GAB2: variants seen among roughly 807,000 people sequenced by gnomAD.
GAB2 encodes the protein GRB2-associated-binding protein 2.
In GAB2, 26 loss-of-function variants were observed where a neutral mutation model predicts 65.5. The observed-to-expected ratio is 0.40, with a 90% CI of 0.29 to 0.55. GAB2 has a LOEUF of 0.55. Among genes scored for constraint, GAB2 ranks in the 20% least tolerant of loss-of-function variants. The probability of loss-of-function intolerance (pLI) is 0.53; values close to 1 mark genes in which losing one functional copy is unlikely to be tolerated. For synonymous variants in GAB2, 321 were observed against 329.6 expected, an observed-to-expected ratio of 0.97 and a Z score of 0.28; for missense variants, 884 against 875.8, an observed-to-expected ratio of 1.01 and a Z score of -0.12.
intron 1 of GAB2, among the ~76,000 whole-genome samples, chr11:78,364,523 T>C (rs1047157309): frequency 6.6e-6 from 1 of 152,254 alleles, no homozygotes; most frequent in South Asian, 2.1e-4. Context: ...TTGAAAATAC[T>C]GGTAGCAACT....
intron 3 of GAB2, among the ~76,000 whole-genome samples, chr11:78,228,702 C>T (rs1181275969): frequency 1.3e-5 from 2 of 152,244 alleles, no homozygotes; most frequent in Middle Eastern, 3.4e-3. Context: ...TTCACTGATG[C>T]TCCTCCTTGG....
intron 1 of GAB2, among the ~76,000 whole-genome samples, chr11:78,392,600 G>C (rs985893235): frequency 6.6e-6 from 1 of 152,196 alleles, no homozygotes; most frequent in Non-Finnish European, 1.5e-5. Context: ...AGGCAGGGGA[G>C]AGAGAAGATA....
In GAB2 at chr11:78,220,345, G is replaced by A. The variant is rs1448783711; in HGVS notation, c.1861C>T (p.Pro621Ser). 6.2e-7 allele frequency: 1 copy of A among 1,612,850 alleles called. No homozygotes were observed. Among genetic ancestry groups the A allele is most frequent in the Non-Finnish European group, 8.5e-7 (1 of 1,179,638 alleles). Reference sequence around the variant, plus strand: ...TTGCGGTGGGGGCTTGGGGAGCTCGGCTGGAAGTCCAGGGCCAGATAATCA... The same window carrying A: ...TTGCGGTGGGGGCTTGGGGAGCTCGACTGGAAGTCCAGGGCCAGATAATCA... Reference protein sequence around the residue: ...SVDYLALDFQPSSPSPHRKPS... With the variant: ...SVDYLALDFQSSSPSPHRKPS... Residue 621 changes from proline (P) to serine (S), a missense_variant, in exon 9 of 10, where the codon CCG becomes TCG. Coordinates refer to ENST00000361507, the MANE Select transcript of GAB2 (RefSeq NM_080491.3).
rs28800003 is a variant in GAB2, at chr11:78,300,532, C to A, written c.76-19631G>T. 6.2e-3 allele frequency among the ~76,000 whole-genome samples: 787 copies of A among 126,160 alleles called. 6 individuals carry two copies. Among genetic ancestry groups the A allele is most frequent in the African/African-American group, 0.02 (738 of 37,784 alleles). The allele number at this position is 126,160 out of a possible 152,430, so 82.8% of individuals were successfully genotyped here. On this transcript the variant is annotated intron_variant, in intron 1 of 9. Coordinates refer to ENST00000361507, the MANE Select transcript of GAB2 (RefSeq NM_080491.3). ...TTAATTTTATAAAAAAACAAAAAAA[C>A]AAAAAACTACCACATTGTTTTCTGA...
intron 1 of GAB2, among the ~76,000 whole-genome samples, chr11:78,398,678 A>G (rs1310978293): frequency 2.6e-5 from 4 of 152,238 alleles, no homozygotes; most frequent in Non-Finnish European, 5.9e-5. Context: ...ATAACCATGT[A>G]AAAAATGAGC....
At chr11:78,417,568 C>A in intron 1 of GAB2, 78 bp downstream of exon 1, 1 of 757,412 alleles carries the variant, frequency 1.3e-6, no homozygotes, top group Non-Finnish European at 1.7e-6. Flanking sequence ...AGCCTGCCGC[C>A]CCTCCGGGAG....
chr11:78,233,986 GT>G (rs1188955837), intron 3 of GAB2, among the ~76,000 whole-genome samples: 2 of 152,180 alleles, frequency 1.3e-5, no homozygotes, highest in Non-Finnish European at 2.9e-5. Flanking sequence ...AAAAACTACA[GT>G]TTTTTCTCTT....
At chr11:78,406,482 A>G (rs374784543) in intron 1 of GAB2, among the ~76,000 whole-genome samples, 9 of 152,142 alleles carry the variant, frequency 5.9e-5, no homozygotes, top group Middle Eastern at 3.4e-3. Flanking sequence ...GGTTGAAGCA[A>G]TTCTCTCACC....
intron 2 of GAB2, among the ~76,000 whole-genome samples, chr11:78,270,435 G>T (rs867590208): frequency 6.6e-6 from 1 of 152,076 alleles, no homozygotes; most frequent in Non-Finnish European, 1.5e-5. Flanking sequence ...AGCAGCCATG[G>T]TAAACAGCTC....
At chr11:78,394,566 A>G (rs1164235687) in intron 1 of GAB2, among the ~76,000 whole-genome samples, 1 of 152,244 alleles carries the variant, frequency 6.6e-6, no homozygotes. Flanking sequence ...TAAAAAGTGT[A>G]ATGTCTTGTG....
intron 1 of GAB2, among the ~76,000 whole-genome samples, chr11:78,303,032 T>G (rs975500462): frequency 2.0e-5 from 3 of 152,128 alleles, no homozygotes; most frequent in Non-Finnish European, 2.9e-5. Context: ...GCAATGAATT[T>G]TGGGGACTCG....
chr11:78,258,791 CA>C (rs1865661526), intron 2 of GAB2, among the ~76,000 whole-genome samples: 1 of 152,008 alleles, frequency 6.6e-6, no homozygotes, highest in Admixed American at 6.6e-5. Flanking sequence ...ATAGCACATA[CA>C]ATATATGAAT....
chr11:78,308,081 G>C (rs1855409538), intron 1 of GAB2, among the ~76,000 whole-genome samples: 1 of 152,068 alleles, frequency 6.6e-6, no homozygotes, highest in African/African-American at 2.4e-5. Flanking sequence ...CAAATCCTTG[G>C]GCCTTCGGAC....
chr11:78,239,827 T>A (rs1297732950), intron 3 of GAB2, among the ~76,000 whole-genome samples: 1 of 152,174 alleles, frequency 6.6e-6, no homozygotes, highest in African/African-American at 2.4e-5. Context: ...AGGGTCCACA[T>A]AGCTGTGTTC....
At chr11:78,284,049 G>A (rs1398727029) in intron 1 of GAB2, among the ~76,000 whole-genome samples, 1 of 152,016 alleles carries the variant, frequency 6.6e-6, no homozygotes, top group Non-Finnish European at 1.5e-5. Context: ...CAAAACTGAG[G>A]TCCTGATATC....
intron 6 of GAB2, 86 bp from the exon 7 acceptor site, chr11:78,222,281 T>C (rs551310842): frequency 4.7e-6 from 4 of 852,132 alleles, no homozygotes; most frequent in East Asian, 5.0e-5. Context: ...TGAGCATGTT[T>C]ATAAAGGCCT....
At chr11:78,246,480 C>T (rs956790986) in intron 3 of GAB2, among the ~76,000 whole-genome samples, 5 of 149,012 alleles carry the variant, frequency 3.4e-5, no homozygotes, top group Admixed American at 2.0e-4. Context: ...CTGTTATAAT[C>T]CCATGGAGAA....
At chr11:78,222,541 A>G (rs1381629465) in intron 6 of GAB2, among the ~76,000 whole-genome samples, 1 of 148,232 alleles carries the variant, frequency 6.7e-6, no homozygotes, top group Non-Finnish European at 1.5e-5. Context: ...ATATATTAAT[A>G]TATTAATATT....
At chr11:78,223,204 A>G (rs1168797711) in intron 6 of GAB2, among the ~76,000 whole-genome samples, 1 of 152,294 alleles carries the variant, frequency 6.6e-6, no homozygotes, top group Admixed American at 6.5e-5. Flanking sequence ...TATGTACCAA[A>G]GTACTATCCT....
Sources: allele counts gnomAD v4.1 joint callset (sites outside exome capture counted in the v4.1 genomes callset), GRCh38; gene constraint gnomAD v4.1.1; transcripts MANE v1.5; gene names NCBI Gene and HGNC (gene_info 2026-07-23, HGNC 2026-07-21).